TIAM2: variants seen among roughly 807,000 people sequenced by gnomAD.
TIAM2 encodes the protein TIAM Rac1 associated GEF 2.
TIAM2 carries 80 observed loss-of-function variants against 152.9 expected under a neutral mutation model. That is an observed-to-expected ratio of 0.52 (90% CI 0.44 to 0.63). The LOEUF (loss-of-function observed/expected upper bound fraction) is 0.63, where lower values mean the gene tolerates loss of function less well. Among genes scored for constraint, TIAM2 ranks in the 30% least tolerant of loss-of-function variants. The pLI is 0.00. For missense variants in TIAM2, 1,965 were observed against 2,120.1 expected, an observed-to-expected ratio of 0.93 and a Z score of 1.44; for synonymous variants, 804 against 838.0, an observed-to-expected ratio of 0.96 and a Z score of 0.70.
At chr6:155,100,613 C>T (rs1778531778) in intron 2 of TIAM2, among the ~76,000 whole-genome samples, 1 of 152,172 alleles carries the variant, frequency 6.6e-6, no homozygotes, top group South Asian at 2.1e-4. Context: ...GGGTATTCAC[C>T]ATGTGCCAGG....
At chr6:155,115,534 T>A (rs1367265600) in intron 2 of TIAM2, among the ~76,000 whole-genome samples, 4 of 152,152 alleles carry the variant, frequency 2.6e-5, no homozygotes, top group African/African-American at 9.6e-5. Context: ...AAGCCTATAG[T>A]CCCAGCTACT....
intron 14 of TIAM2, among the ~76,000 whole-genome samples, chr6:155,206,343 G>A (rs1781594224): frequency 6.6e-6 from 1 of 152,166 alleles, no homozygotes; most frequent in Non-Finnish European, 1.5e-5. Flanking sequence ...CACCTCCCGG[G>A]TTCAAGTGAT....
chr6:155,254,753 C>CA, intron 26 of TIAM2, 180 bp downstream of exon 26: 1 of 691,898 alleles, frequency 1.4e-6, no homozygotes, highest in Non-Finnish European at 2.3e-6. Context: ...AAAATACAGC[C>CA]ACCCCCAACC....
At chr6:155,083,996 A>G (rs1778126356) in intron 1 of TIAM2, among the ~76,000 whole-genome samples, 1 of 152,226 alleles carries the variant, frequency 6.6e-6, no homozygotes, top group Non-Finnish European at 1.5e-5. Context: ...TTGAAGCAGA[A>G]TCGAGGTGAA....
chr6:155,112,834 C>G (rs528698614), intron 2 of TIAM2, among the ~76,000 whole-genome samples: 1 of 152,264 alleles, frequency 6.6e-6, no homozygotes, highest in East Asian at 1.9e-4. Flanking sequence ...CTGGCTCTCC[C>G]TTCGGCCCTC....
chr6:155,221,576 G>A (rs1363045139), intron 15 of TIAM2, among the ~76,000 whole-genome samples: 6 of 152,128 alleles, frequency 3.9e-5, no homozygotes, highest in Non-Finnish European at 8.8e-5. Context: ...CCTTTTCAAG[G>A]CAAACAGAAA....
chr6:155,114,036 ATTTTTTTTTTTTTCTTTTTT>A (rs1177702170), intron 2 of TIAM2, among the ~76,000 whole-genome samples: 2 of 34,906 alleles, frequency 5.7e-5, no homozygotes, highest in East Asian at 7.1e-4. Context: ...ATATATATAT[ATTTTTTTTTTTTTCTTTTTT>A]TTTTTTTTTT....
intron 1 of TIAM2, among the ~76,000 whole-genome samples, chr6:155,003,856 C>T (rs1342050341): frequency 6.6e-6 from 1 of 152,164 alleles, no homozygotes; most frequent in Non-Finnish European, 1.5e-5. Flanking sequence ...TGGCAGCTGC[C>T]TGTACTCCCA....
At chr6:155,178,303 T>TGAAA (rs1435137879) in intron 10 of TIAM2, among the ~76,000 whole-genome samples, 1 of 152,140 alleles carries the variant, frequency 6.6e-6, no homozygotes, top group East Asian at 1.9e-4. Context: ...ATTTTCGTTT[T>TGAAA]GAAAGTTTTT....
intron 2 of TIAM2, among the ~76,000 whole-genome samples, chr6:155,100,808 A>C (rs1388301456): frequency 6.6e-6 from 1 of 152,196 alleles, no homozygotes; most frequent in East Asian, 1.9e-4. Context: ...AGATTAAGAA[A>C]CTGAGGGTTA....
intron 23 of TIAM2, 92 bp from the exon 24 acceptor site, chr6:155,252,856 C>T: frequency 8.4e-7 from 1 of 1,195,652 alleles, no homozygotes; most frequent in Non-Finnish European, 1.2e-6. Context: ...GACTCGCCCA[C>T]AGGGAGAACA....
intron 1 of TIAM2, among the ~76,000 whole-genome samples, chr6:155,059,227 A>C (rs1344067079): frequency 1.3e-5 from 2 of 151,320 alleles, no homozygotes; most frequent in African/African-American, 4.9e-5. Context: ...TTTGTCTTTC[A>C]TGACCTTGAC....
intron 1 of TIAM2, among the ~76,000 whole-genome samples, chr6:155,051,507 AAT>A (rs1777317112): frequency 6.6e-6 from 1 of 152,204 alleles, no homozygotes; most frequent in South Asian, 2.1e-4. Context: ...ATGCACTGTT[AAT>A]AATGAGTAGG....
intron 7 of TIAM2, among the ~76,000 whole-genome samples, chr6:155,155,381 G>A (rs775400352): frequency 6.6e-6 from 1 of 152,148 alleles, no homozygotes; most frequent in Non-Finnish European, 1.5e-5. Flanking sequence ...GGCCATGCTG[G>A]TCTCAAACTC....
chr6:155,001,146 T>C (rs1778306586), intron 1 of TIAM2, among the ~76,000 whole-genome samples: 1 of 151,718 alleles, frequency 6.6e-6, no homozygotes, highest in Non-Finnish European at 1.5e-5. Flanking sequence ...TCCAGAAATA[T>C]AAAGGAAGTG....
In TIAM2 at chr6:155,085,134, T is replaced by C. The variant is rs1778148253; in HGVS notation, c.-208-5155T>C. ...TCCCAGTCCTGGAAAACATCCCACT[T>C]TCTGTATTGTTTTCTTACAAACATT... On this transcript the variant is annotated intron_variant, in intron 1 of 26. Transcript: ENST00000682666. Among the ~76,000 whole-genome samples the C allele has an allele frequency of 2.0e-5, 3 of 152,266 alleles. No individual in the cohort carries two copies. The Middle Eastern group carries it at 0.01, about 518-fold the overall frequency.
rs974176803 is a variant in TIAM2 at position 155,193,610 on chromosome 6, G to A, written c.3064+10110G>A. 3.9e-5 allele frequency among the ~76,000 whole-genome samples: 6 copies of A among 152,224 alleles called. No homozygotes were observed. In the South Asian group the frequency reaches 8.3e-4, roughly 21 times the overall value. Reference sequence around the variant, plus strand: ...AAATTGTGGTTCTTGAAAAAAGACAGTTAGTTCCGCTCCCAACACAGTTGT... The same window carrying A: ...AAATTGTGGTTCTTGAAAAAAGACAATTAGTTCCGCTCCCAACACAGTTGT... On this transcript the variant is annotated intron_variant, in intron 14 of 26. Coordinates refer to ENST00000682666, the MANE Select transcript of TIAM2 (RefSeq NM_012454.4).
At chr6:155,076,053 G>T (rs907503437) in intron 1 of TIAM2, among the ~76,000 whole-genome samples, 5 of 152,166 alleles carry the variant, frequency 3.3e-5, no homozygotes, top group African/African-American at 1.2e-4. Flanking sequence ...GCTGTGTTTT[G>T]ACTAGAAGCG....
chr6:155,227,746 G>A (rs527578240), intron 15 of TIAM2, among the ~76,000 whole-genome samples: 9 of 152,246 alleles, frequency 5.9e-5, no homozygotes, highest in East Asian at 1.9e-4. Context: ...TTACACCCCC[G>A]TCGACAAGAG....
Sources: gnomAD v4.1 joint callset for allele counts (sites outside exome capture counted in the v4.1 genomes callset) on GRCh38, gnomAD v4.1.1 for gene constraint, MANE v1.5 for transcripts, NCBI Gene and HGNC (gene_info 2026-07-23, HGNC 2026-07-21) for gene names.